MYO1H: variants seen among roughly 807,000 people sequenced by gnomAD.
MYO1H encodes the protein unconventional myosin-Ih.
In MYO1H, 118 loss-of-function variants were observed where a neutral mutation model predicts 149.3. The ratio of observed to expected loss-of-function variants is 0.79; its 90% CI spans 0.68 to 0.92. The LOEUF (loss-of-function observed/expected upper bound fraction) is 0.92, where lower values mean the gene tolerates loss of function less well. MYO1H is among the 40% of genes least tolerant of loss of function. The pLI, the probability that MYO1H is intolerant of heterozygous loss-of-function variation, is 0.00. For missense variants in MYO1H, 1,212 were observed against 1,280.7 expected (o/e 0.95, Z 0.82); for synonymous variants, 447 against 465.2 (o/e 0.96, Z 0.50).
chr12:109,419,873 TAAAA>T (rs10533849), intron 15 of MYO1H, among the ~76,000 whole-genome samples: 93 of 145,278 alleles, frequency 6.4e-4, no homozygotes, highest in East Asian at 2.8e-3. Context: ...TCCCCCAACT[TAAAA>T]AAAAAAAAAA....
chr12:109,418,106 G>A (rs1039410654), intron 15 of MYO1H, among the ~76,000 whole-genome samples: 9 of 151,584 alleles, frequency 5.9e-5, no homozygotes, highest in African/African-American at 1.2e-4. Flanking sequence ...GTGAGCCACC[G>A]CGCCCGGCCT....
chr12:109,365,768 G>A (rs557002084), intron 1 of MYO1H, among the ~76,000 whole-genome samples: 4 of 152,286 alleles, frequency 2.6e-5, no homozygotes, highest in Non-Finnish European at 4.4e-5. Flanking sequence ...ATGATGGAAC[G>A]GGAGGCCTAG....
chr12:109,404,425 T>G (rs935422143), intron 7 of MYO1H, among the ~76,000 whole-genome samples: 12 of 152,218 alleles, frequency 7.9e-5, no homozygotes, highest in African/African-American at 2.9e-4. Flanking sequence ...GAGGTTGCAA[T>G]GAGCCGAGAT....
chr12:109,412,953 TTTGTTGTTGTTGTTG>T, intron 14 of MYO1H, among the ~76,000 whole-genome samples: 1 of 146,970 alleles, frequency 6.8e-6, no homozygotes, highest in East Asian at 2.0e-4. Context: ...GCCCGGCTAA[TTTGTTGTTGTTGTTG>T]TTGTTGTTGT....
chr12:109,314,767 G>A, the MYO1H span, among the ~76,000 whole-genome samples: 1 of 152,132 alleles, frequency 6.6e-6, no homozygotes, highest in South Asian at 2.1e-4. Flanking sequence ...TGTTTCTAAA[G>A]GCGCTTCTCC....
rs56146617 is a variant in MYO1H, at chr12:109,368,640, T to TAAAAAAAA, written c.13-20030_13-20023dup. ...TGGGCAACAAAGCAAGACTCCATCT[T>TAAAAAAAA]AAAAAAAAAAAAAAAAAAAAGGGTT... is the stretch of plus-strand genomic sequence containing the variant. On this transcript the variant is annotated intron_variant, in intron 1 of 31. Coordinates refer to ENST00000310903, the Ensembl canonical transcript of MYO1H. Among the ~76,000 whole-genome samples the TAAAAAAAA allele has an allele frequency of 2.9e-4, 33 of 113,200 alleles. 2 individuals carry two copies. Among genetic ancestry groups the TAAAAAAAA allele is most frequent in the Admixed American group, 2.0e-4 (2 of 9,802 alleles). The allele number at this position is 113,200 out of a possible 152,430, so 74.3% of individuals were successfully genotyped here.
At position 109,433,572 on chromosome 12, in the gene MYO1H, C is replaced by G. The variant is rs77469109; in HGVS notation, c.2063+562C>G. Among the ~76,000 whole-genome samples, 275 of 152,320 alleles carry G rather than the reference C, an allele frequency of 1.8e-3. 3 individuals carry two copies. The highest frequency in any genetic ancestry group is 6.3e-3 in the African/African-American group (263 of 41,582). On this transcript the variant is annotated intron_variant, in intron 20 of 31. Coordinates refer to ENST00000310903, the Ensembl canonical transcript of MYO1H. Reference sequence around the variant, plus strand: ...AATGAGGTTGCAGGGAAAGGTGTCTCAGCATGAAGATCTATTCCCCGACAG... The same window carrying G: ...AATGAGGTTGCAGGGAAAGGTGTCTGAGCATGAAGATCTATTCCCCGACAG...
chr12:109,448,137 T>C (rs989673567), exon 32 of MYO1H: 2 of 152,192 alleles, frequency 1.3e-5, no homozygotes, highest in African/African-American at 4.8e-5. Context: ...TTTCACAGTT[T>C]AATATGAGAA....
chr12:109,421,708 C>T (rs1180759626), intron 16 of MYO1H, among the ~76,000 whole-genome samples: 1 of 152,126 alleles, frequency 6.6e-6, no homozygotes, highest in Non-Finnish European at 1.5e-5. Context: ...TCACAGCTTG[C>T]ACAAGGCCAC....
At chr12:109,313,267 A>T in the MYO1H span, among the ~76,000 whole-genome samples, 1 of 151,648 alleles carries the variant, frequency 6.6e-6, no homozygotes, top group Non-Finnish European at 1.5e-5. Context: ...ACCAAAAAAA[A>T]CCCCACAAGT....
chr12:109,407,900 CCTT>C (rs1056977183), exon 10 of MYO1H: 1 of 1,613,842 alleles, frequency 6.2e-7, no homozygotes, highest in African/African-American at 1.3e-5. Context: ...ATCAATTCCT[CCTT>C]AGTTAACAAG....
At chr12:109,365,050 C>T (rs946649637) in intron 1 of MYO1H, among the ~76,000 whole-genome samples, 2 of 152,148 alleles carry the variant, frequency 1.3e-5, no homozygotes, top group Non-Finnish European at 2.9e-5. Context: ...GCGGGAGGAT[C>T]GCTTGAGGCT....
At chr12:109,319,499 T>C in the MYO1H span, among the ~76,000 whole-genome samples, 1 of 152,202 alleles carries the variant, frequency 6.6e-6, no homozygotes. Context: ...GGAGATCTGG[T>C]GCACAAGGTG....
intron 1 of MYO1H, among the ~76,000 whole-genome samples, chr12:109,375,566 C>G (rs184113268): frequency 1.3e-5 from 2 of 152,222 alleles, no homozygotes; most frequent in African/African-American, 4.8e-5. Flanking sequence ...AATAGCTTCC[C>G]CAACTCTATA....
chr12:109,385,588 C>G (rs1457488980), intron 1 of MYO1H, among the ~76,000 whole-genome samples: 1 of 152,166 alleles, frequency 6.6e-6, no homozygotes, highest in Admixed American at 6.5e-5. Flanking sequence ...CCTACCACGC[C>G]CAGCCTGAAA....
the MYO1H span, among the ~76,000 whole-genome samples, chr12:109,329,503 C>G: frequency 6.6e-6 from 1 of 152,124 alleles, no homozygotes; most frequent in African/African-American, 2.4e-5. Flanking sequence ...ACCAGTCATC[C>G]TCAGTGGGTG....
the MYO1H span, among the ~76,000 whole-genome samples, chr12:109,326,139 A>G: frequency 6.6e-6 from 1 of 152,224 alleles, no homozygotes; most frequent in African/African-American, 2.4e-5. Flanking sequence ...GAGGTGAATC[A>G]GACTTCTCGG....
At position 109,438,547 on chromosome 12, in the gene MYO1H, G is replaced by T; in HGVS notation, c.2221G>T (p.Glu741Ter). The T allele has an allele frequency of 6.2e-7, 1 of 1,613,196 alleles. No individual in the cohort carries two copies. Among genetic ancestry groups the T allele is most frequent in the Non-Finnish European group, 8.5e-7 (1 of 1,179,554 alleles). The stretch of plus-strand genomic sequence containing the variant: ...GTGAACTCTTTCAGCCATCAAACTG[G>T]AAGCCCACTGGCGTGGGGCCCTGGC... Residue 741 changes from glutamate (E) to a stop codon, truncating the protein, a stop_gained, in exon 23 of 32, where the codon GAA (glutamate) becomes TAA (stop). Transcript: ENST00000310903. LOFTEE classifies it high-confidence loss of function.
chr12:109,426,008 C>T (rs1224571875), exon 18 of MYO1H: 1 of 1,613,928 alleles, frequency 6.2e-7, no homozygotes, highest in Non-Finnish European at 8.5e-7. Context: ...CTAAGGAGCC[C>T]TCCTACATCC....
Sources: gnomAD v4.1 joint callset for allele counts (sites outside exome capture counted in the v4.1 genomes callset) on GRCh38, gnomAD v4.1.1 for gene constraint, MANE v1.5 for transcripts, NCBI Gene and HGNC (gene_info 2026-07-23, HGNC 2026-07-21) for gene names.